The following RBFOX1 variants were observed in gnomAD, a reference collection of about 807,000 sequenced individuals.
RBFOX1 encodes RNA binding fox-1 homolog 1, also known as RNA binding protein fox-1 homolog 1.
Under a neutral mutation model 57.7 loss-of-function variants are expected in RBFOX1, and 8 were observed. The observed-to-expected ratio is 0.14, with a 90% CI of 0.08 to 0.25. The LOEUF is 0.25. Among genes scored for constraint, RBFOX1 ranks in the 10% least tolerant of loss-of-function variants. The pLI is 1.00. For synonymous variants in RBFOX1, 326 were observed against 222.4 expected (o/e 1.47, Z -4.15); for missense variants, 611 against 548.5 (o/e 1.11, Z -1.14).
At chr16:7,396,023 A>C (rs906816648) in intron 4 of RBFOX1, among the ~76,000 whole-genome samples, 27 of 152,106 alleles carry the variant, frequency 1.8e-4, no homozygotes, top group African/African-American at 6.5e-4. Flanking sequence ...CTTGATGGAG[A>C]GGAGGCTCTT....
intron 4 of RBFOX1, among the ~76,000 whole-genome samples, chr16:7,053,640 G>A (rs2050872598): frequency 6.6e-6 from 1 of 152,164 alleles, no homozygotes; most frequent in Non-Finnish European, 1.5e-5. Context: ...GGACCTGTTT[G>A]CATTTTGAGG....
In RBFOX1 at chr16:7,504,757, A is replaced by ATATATATATT. The variant is rs1567554578; in HGVS notation, c.28-13381_28-13380insTTATATATAT. Among the ~76,000 whole-genome samples the ATATATATATT allele has an allele frequency of 2.2e-3, 21 of 9,386 alleles. 1 individual carries two copies. The highest frequency in any genetic ancestry group is 4.7e-3 in the Admixed American group (4 of 848). The allele number at this position is 9,386 out of a possible 152,430, so 6.2% of individuals were successfully genotyped here. A position where few individuals can be genotyped will look rare whatever the true frequency, so the allele number is the denominator to read the frequency against. ...TATATATATATATATATATATATTTATATATATATATATTTATATATATAT... is the reference window on the plus strand; with the variant it reads ...TATATATATATATATATATATATTTATATATATATTTATATATATATATTTATATATATAT... On this transcript the variant is annotated intron_variant, in intron 4 of 15. Transcript: ENST00000550418.
chr16:6,079,328 G>C (rs987262553), intron 1 of RBFOX1, among the ~76,000 whole-genome samples: 2 of 151,808 alleles, frequency 1.3e-5, no homozygotes, highest in Non-Finnish European at 2.9e-5. Context: ...AAAATAAATA[G>C]GGAGATAGGG....
At chr16:5,996,996 CCCA>C (rs1470472562) in intron 4 of RBFOX1, among the ~76,000 whole-genome samples, 5 of 151,708 alleles carry the variant, frequency 3.3e-5, no homozygotes, top group African/African-American at 9.7e-5. Flanking sequence ...ATTGTCCAAA[CCCA>C]CCAGGAAGCA....
At chr16:6,867,449 G>A (rs552082672) in intron 3 of RBFOX1, among the ~76,000 whole-genome samples, 1 of 151,754 alleles carries the variant, frequency 6.6e-6, no homozygotes, top group East Asian at 2.0e-4. Flanking sequence ...CCGGGTGTGG[G>A]GGCTCACTCA....
At chr16:6,368,478 C>G (rs895672028) in intron 2 of RBFOX1, among the ~76,000 whole-genome samples, 1 of 152,192 alleles carries the variant, frequency 6.6e-6, no homozygotes, top group Non-Finnish European at 1.5e-5. Flanking sequence ...TAATGTAGAC[C>G]TTTCCAGTTC....
intron 12 of RBFOX1, among the ~76,000 whole-genome samples, chr16:7,661,144 ACATGGCTTT>A (rs2067618118): frequency 6.6e-6 from 1 of 152,218 alleles, no homozygotes; most frequent in Non-Finnish European, 1.5e-5. Context: ...GCTTCCCATT[ACATGGCTTT>A]ATTTCACACT....
chr16:6,034,350 A>G (rs12920440), intron 1 of RBFOX1, among the ~76,000 whole-genome samples: 26,769 of 142,214 alleles, frequency 0.19, 3,497 homozygotes, highest in Non-Finnish European at 0.26. Flanking sequence ...AAAAAAAAAA[A>G]AAAAAAAGAA....
chr16:7,371,141 C>A (rs747048759), intron 4 of RBFOX1, among the ~76,000 whole-genome samples: 22 of 152,186 alleles, frequency 1.4e-4, no homozygotes, highest in Non-Finnish European at 2.8e-4. Flanking sequence ...CTTTTACTCT[C>A]CTTCTGCCCT....
chr16:6,348,428 G>A (rs2085740886), intron 2 of RBFOX1, among the ~76,000 whole-genome samples: 1 of 152,146 alleles, frequency 6.6e-6, no homozygotes, highest in African/African-American at 2.4e-5. Flanking sequence ...CTTACGTCAG[G>A]GGAAATCTCT....
Position 6,543,399 on chromosome 16 carries a change from C to G in RBFOX1, c.-63-111204C>G, listed in dbSNP as rs191533650. ...CTTCTCAAAGACTTCCACTGAGACTCTGCGCACCTTTATTGGGTTGGCCTG... is the reference window on the plus strand; with the variant it reads ...CTTCTCAAAGACTTCCACTGAGACTGTGCGCACCTTTATTGGGTTGGCCTG... On this transcript the variant is annotated intron_variant, in intron 2 of 15. Transcript: ENST00000550418. Among the ~76,000 whole-genome samples, 16 of 152,240 alleles carry G rather than the reference C, an allele frequency of 1.1e-4. No homozygotes were observed. The East Asian group carries it at 1.7e-3, about 17-fold the overall frequency.
At chr16:5,787,223 G>T (rs2054534135) in intron 3 of RBFOX1, among the ~76,000 whole-genome samples, 2 of 152,188 alleles carry the variant, frequency 1.3e-5, no homozygotes, top group African/African-American at 4.8e-5. Context: ...TTCACTGGGA[G>T]AAAAGGGAAC....
chr16:6,402,820 A>G lies in RBFOX1; in HGVS notation c.-64+85763A>G, dbSNP rs550598087. 1.5e-4 allele frequency among the ~76,000 whole-genome samples: 23 copies of G among 152,336 alleles called. No homozygotes were observed. The South Asian group carries it at 3.5e-3, about 23-fold the overall frequency. ...TAGACTGTAGCCAGTTGTGCCTGCT[A>G]TCAGTTCTGGAACCTAAAATTCATG... On this transcript the variant is annotated intron_variant, in intron 2 of 15. Transcript: ENST00000550418.
At chr16:6,029,106 T>C (rs12934671) in intron 1 of RBFOX1, among the ~76,000 whole-genome samples, 2 of 152,194 alleles carry the variant, frequency 1.3e-5, no homozygotes, top group Non-Finnish European at 2.9e-5. Flanking sequence ...TTTTACCTTG[T>C]GGTATTCAGA....
rs1357223208 is a variant in RBFOX1, at chr16:5,967,795, A to G, written c.351+100460A>G. On this transcript the variant is annotated intron_variant, in intron 4 of 19. Transcript: ENST00000641259. ...ATATACACACAGGCTCAGAATTATAATACTCAGACTACGTCAGTTTTTACT... is the reference window on the plus strand; with the variant it reads ...ATATACACACAGGCTCAGAATTATAGTACTCAGACTACGTCAGTTTTTACT... Among the ~76,000 whole-genome samples the G allele has an allele frequency of 2.0e-5, 3 of 152,134 alleles. 1 individual carries two copies. The highest frequency in any genetic ancestry group is 4.4e-5 in the Non-Finnish European group (3 of 68,040).
intron 4 of RBFOX1, among the ~76,000 whole-genome samples, chr16:7,324,148 T>C (rs975061404): frequency 6.6e-6 from 1 of 152,212 alleles, no homozygotes; most frequent in Admixed American, 6.5e-5. Context: ...TTGTCCGTGG[T>C]GTCCTTTTTA....
chr16:6,300,389 A>G (rs1027551691), intron 1 of RBFOX1, among the ~76,000 whole-genome samples: 5 of 152,344 alleles, frequency 3.3e-5, no homozygotes, highest in African/African-American at 1.2e-4. Flanking sequence ...GCCATTCCAC[A>G]GTGTATACAT....
intron 3 of RBFOX1, among the ~76,000 whole-genome samples, chr16:6,671,321 A>T (rs2098763552): frequency 6.6e-6 from 1 of 152,238 alleles, no homozygotes; most frequent in Non-Finnish European, 1.5e-5. Context: ...CTTGTGTCAG[A>T]GGTCCATGGA....
chr16:6,930,226 C>T (rs1429018980), intron 3 of RBFOX1, among the ~76,000 whole-genome samples: 2 of 152,278 alleles, frequency 1.3e-5, no homozygotes, highest in East Asian at 1.9e-4. Context: ...TAAAACTCAA[C>T]AACAGAAAAG....
Sources: allele counts gnomAD v4.1 joint callset (sites outside exome capture counted in the v4.1 genomes callset), GRCh38; gene constraint gnomAD v4.1.1; transcripts MANE v1.5; gene names NCBI Gene and HGNC (gene_info 2026-07-23, HGNC 2026-07-21).